Variants in TANK observed in about 807,000 individuals in gnomAD.
The protein encoded by TANK is TRAF family member associated NFKB activator.
Under a neutral mutation model 43.6 loss-of-function variants are expected in TANK, and 15 were observed. The ratio of observed to expected loss-of-function variants is 0.34; its 90% CI spans 0.23 to 0.53. TANK has a LOEUF of 0.53. Ranked by LOEUF, TANK falls within the 20% of genes least tolerant of loss-of-function variation. The pLI is 0.94. For synonymous variants in TANK, 162 were observed against 178.2 expected (o/e 0.91, Z 0.73); for missense variants, 417 against 498.6 (o/e 0.84, Z 1.56).
intron 5 of TANK, 59 bp downstream of exon 5, chr2:161,224,050 A>G (rs1268579956): frequency 4.3e-6 from 5 of 1,170,772 alleles, no homozygotes; most frequent in Non-Finnish European, 6.0e-6. Context: ...AATATATTTT[A>G]TATTTGTTTT....
rs568633989 is a variant in TANK, at chr2:161,223,952, C to T, written c.365C>T (p.Thr122Ile). The change falls in exon 5 of 8, where the codon ACT becomes ATT. Residue 122 changes from threonine to isoleucine, a missense_variant. Thr to Ile is a moderately conservative substitution (Grantham distance 89). Coordinates refer to ENST00000392749, the MANE Select transcript of TANK (RefSeq NM_001199135.3). ...RQEVSSPRKETSARSLGSPLL... is the reference protein window; with the variant it reads ...RQEVSSPRKEISARSLGSPLL... ...GAGGTTTCTTCTCCTAGAAAAGAAA[C>T]TTCAGCAAGGAGTCTTGGCAGTCCT... The T allele has an allele frequency of 6.2e-7, 1 of 1,602,240 alleles. No individual in the cohort carries two copies. The highest frequency in any genetic ancestry group is 1.1e-5 in the South Asian group (1 of 89,582).
intron 2 of TANK, among the ~76,000 whole-genome samples, chr2:161,198,985 C>G (rs1203204602): frequency 6.6e-6 from 1 of 151,974 alleles, no homozygotes; most frequent in Non-Finnish European, 1.5e-5. Flanking sequence ...TGTTTGATCT[C>G]GTACTATTTA....
intron 1 of TANK, among the ~76,000 whole-genome samples, chr2:161,147,370 C>T (rs758599942): frequency 2.6e-5 from 4 of 152,288 alleles, no homozygotes; most frequent in African/African-American, 9.6e-5. Context: ...GGGAACTTAG[C>T]AGGCTTAAGC....
chr2:161,209,577 A>G (rs1476975467), intron 4 of TANK, among the ~76,000 whole-genome samples: 1 of 152,244 alleles, frequency 6.6e-6, no homozygotes, highest in Non-Finnish European at 1.5e-5. Context: ...TTGCCAAACT[A>G]AATACTATCT....
chr2:161,231,161 A>G lies in TANK; in HGVS notation c.711A>G (p.Pro237=). The change falls in exon 7 of 8, where the codon CCA becomes CCG. Residue 237 remains proline (P), a synonymous_variant. Transcript: ENST00000392749. The part of the protein sequence containing the change: ...ESLSKFNVKF[P]PMDNDSTFLH... ...TTTCTAAATTCAATGTCAAGTTTCC[A>G]CCTATGGACAATGACTCAACTTTCT... is the stretch of plus-strand genomic sequence containing the variant. The G allele has an allele frequency of 6.2e-7, 1 of 1,613,996 alleles. No homozygotes were observed. The highest frequency in any genetic ancestry group is 1.1e-5 in the South Asian group (1 of 91,076).
At chr2:161,214,821 G>A (rs554171596) in intron 4 of TANK, among the ~76,000 whole-genome samples, 1 of 152,248 alleles carries the variant, frequency 6.6e-6, no homozygotes, top group East Asian at 1.9e-4. Flanking sequence ...ATTATTTACA[G>A]TAAAGTTAGT....
intron 4 of TANK, among the ~76,000 whole-genome samples, chr2:161,217,913 G>C (rs1187504133): frequency 6.6e-6 from 1 of 152,040 alleles, no homozygotes; most frequent in African/African-American, 2.4e-5. Context: ...AAGATAGCTG[G>C]GGAGGCAGGA....
chr2:161,153,524 C>CA (rs1192227311), intron 1 of TANK, among the ~76,000 whole-genome samples: 2 of 151,384 alleles, frequency 1.3e-5, no homozygotes, highest in Non-Finnish European at 2.9e-5. Flanking sequence ...CCTGTCTCTA[C>CA]AAAAAATACA....
chr2:161,218,274 G>T (rs546639454), intron 4 of TANK, among the ~76,000 whole-genome samples: 17 of 152,218 alleles, frequency 1.1e-4, no homozygotes, highest in African/African-American at 3.9e-4. Flanking sequence ...TTTATTGTAT[G>T]ACAGGAAGAT....
upstream of TANK, chr2:161,156,007 AG>A: frequency 1.0e-6 from 1 of 952,462 alleles, no homozygotes. Context: ...TTAACAAGAT[AG>A]GTCATTAATA....
chr2:161,235,399 G>C lies in TANK; in HGVS notation c.1159G>C (p.Asp387His). ...TGACTCGGTGGTACTAAGTGGCACA[G>C]ACTCAGAACTGCATATACCTCGAGT... The part of the protein sequence containing the change: ...DSDSVVLSGT[D>H]SELHIPRVCE... The change falls in exon 8 of 8, where the codon GAC becomes CAC. Residue 387 changes from aspartate to histidine, a missense_variant. Physicochemically the swap from Asp to His is moderately conservative, Grantham distance 81. Transcript: ENST00000392749. 2 of 1,613,092 alleles carry C rather than the reference G, an allele frequency of 1.2e-6. No individual in the cohort carries two copies. Among genetic ancestry groups the C allele is most frequent in the Admixed American group, 3.3e-5 (2 of 59,896 alleles).
chr2:161,220,472 G>A (rs573815909), intron 4 of TANK, among the ~76,000 whole-genome samples: 1 of 151,988 alleles, frequency 6.6e-6, no homozygotes, highest in Admixed American at 6.6e-5. Flanking sequence ...GCATGGTGGC[G>A]AGCACCTGTA....
At chr2:161,188,884 T>C (rs1685788503) in intron 2 of TANK, among the ~76,000 whole-genome samples, 1 of 152,226 alleles carries the variant, frequency 6.6e-6, no homozygotes, top group African/African-American at 2.4e-5. Context: ...TAATTAATGC[T>C]GCTCCAAAAC....
chr2:161,179,792 T>G, intron 2 of TANK, 31 bp downstream of exon 2: 8 of 1,590,368 alleles, frequency 5.0e-6, no homozygotes, highest in Non-Finnish European at 6.9e-6. Flanking sequence ...AAGTTATTCT[T>G]TATCTTGGTA....
intron 2 of TANK, chr2:161,200,645 C>A: frequency 2.9e-6 from 2 of 679,576 alleles, no homozygotes; most frequent in Non-Finnish European, 3.6e-6. Flanking sequence ...CTATCTTTTG[C>A]ATCCGTTTTC....
chr2:161,230,257 A>G (rs578072560), intron 6 of TANK, among the ~76,000 whole-genome samples: 14 of 152,298 alleles, frequency 9.2e-5, no homozygotes, highest in African/African-American at 3.1e-4. Context: ...ACTGTGTCCT[A>G]CAAAGCTGAA....
At chr2:161,205,000 A>G (rs1357210636) in intron 4 of TANK, 6 of 1,310,904 alleles carry the variant, frequency 4.6e-6, no homozygotes, top group Non-Finnish European at 5.9e-6. Flanking sequence ...GTTTTTCTAC[A>G]TCACAAGCAT....
intron 4 of TANK, among the ~76,000 whole-genome samples, chr2:161,211,389 C>G (rs991994157): frequency 6.6e-6 from 1 of 152,212 alleles, no homozygotes; most frequent in Non-Finnish European, 1.5e-5. Context: ...CAGACACTTT[C>G]TGTTGCAAGT....
chr2:161,183,300 G>A (rs572928375), intron 2 of TANK, among the ~76,000 whole-genome samples: 1 of 152,122 alleles, frequency 6.6e-6, no homozygotes, highest in African/African-American at 2.4e-5. Flanking sequence ...AGGAAAGAGC[G>A]CACAGTATGA....
Sources: gnomAD v4.1 joint callset for allele counts (sites outside exome capture counted in the v4.1 genomes callset) on GRCh38, gnomAD v4.1.1 for gene constraint, MANE v1.5 for transcripts, NCBI Gene and HGNC (gene_info 2026-07-23, HGNC 2026-07-21) for gene names.